MINDY4: variants seen among roughly 807,000 people sequenced by gnomAD.
The protein encoded by MINDY4 is probable ubiquitin carboxyl-terminal hydrolase MINDY-4.
Under a neutral mutation model 87.0 loss-of-function variants are expected in MINDY4, and 68 were observed. The observed-to-expected ratio is 0.78, with a 90% CI of 0.64 to 0.96. The LOEUF is 0.96. Ranked by LOEUF, MINDY4 falls within the 40% of genes least tolerant of loss-of-function variation. The pLI, the probability that MINDY4 is intolerant of heterozygous loss-of-function variation, is 0.00. For synonymous variants in MINDY4, 379 were observed against 363.2 expected (o/e 1.04, Z -0.50); for missense variants, 919 against 928.2 (o/e 0.99, Z 0.13).
chr7:30,833,301 G>C (rs1788761754), intron 6 of MINDY4, among the ~76,000 whole-genome samples: 1 of 152,210 alleles, frequency 6.6e-6, no homozygotes, highest in Admixed American at 6.5e-5. Flanking sequence ...CACAATCATG[G>C]TGGAAGGCAA....
chr7:30,846,266 A>C (rs1019000109), intron 9 of MINDY4, among the ~76,000 whole-genome samples: 10 of 152,186 alleles, frequency 6.6e-5, no homozygotes, highest in Non-Finnish European at 1.5e-4. Context: ...GACTCTGTAC[A>C]TGGCTCCATG....
At chr7:30,803,157 T>C (rs968660895) in intron 5 of MINDY4, 1 of 152,252 alleles carries the variant, frequency 6.6e-6, no homozygotes, top group Non-Finnish European at 1.5e-5. Context: ...TACCTATACT[T>C]GGACATGATC....
chr7:30,854,488 G>A (rs752347303), intron 12 of MINDY4, among the ~76,000 whole-genome samples: 13 of 152,066 alleles, frequency 8.5e-5, no homozygotes, highest in African/African-American at 2.7e-4. Context: ...GCAGACCCGC[G>A]ACCTCTGAGA....
chr7:30,885,714 C>A (rs1025880775), intron 17 of MINDY4, among the ~76,000 whole-genome samples: 1 of 150,838 alleles, frequency 6.6e-6, no homozygotes. Context: ...CCACCCCCCC[C>A]CCAACCCTGC....
At chr7:30,798,870 C>T (rs1787569732) in intron 5 of MINDY4, among the ~76,000 whole-genome samples, 1 of 152,162 alleles carries the variant, frequency 6.6e-6, no homozygotes, top group African/African-American at 2.4e-5. Flanking sequence ...AGTTCAGGGT[C>T]CATGTGCTTG....
intron 5 of MINDY4, among the ~76,000 whole-genome samples, chr7:30,793,709 G>C (rs1256009846): frequency 1.3e-5 from 2 of 152,146 alleles, no homozygotes; most frequent in African/African-American, 4.8e-5. Flanking sequence ...ATACATGGTG[G>C]GGAGGGGCTG....
At chr7:30,774,823 TG>T (rs1245424558) in intron 1 of MINDY4, among the ~76,000 whole-genome samples, 1 of 152,050 alleles carries the variant, frequency 6.6e-6, no homozygotes, top group African/African-American at 2.4e-5. Context: ...CTGTGCACTC[TG>T]GTGGGCTCAA....
At chr7:30,839,000 A>G (rs1788952861) in intron 7 of MINDY4, among the ~76,000 whole-genome samples, 200 bp from the exon 8 acceptor site, 1 of 152,212 alleles carries the variant, frequency 6.6e-6, no homozygotes, top group Non-Finnish European at 1.5e-5. Flanking sequence ...TCCAGAGGTA[A>G]GACCCTCATT....
intron 13 of MINDY4, among the ~76,000 whole-genome samples, chr7:30,863,496 G>A (rs1348587220): frequency 6.6e-6 from 1 of 152,210 alleles, no homozygotes. Context: ...GATGTGTGAT[G>A]GAGAGGGCAT....
intron 1 of MINDY4, among the ~76,000 whole-genome samples, chr7:30,774,199 T>G (rs1054976548): frequency 2.6e-5 from 4 of 152,156 alleles, no homozygotes; most frequent in Non-Finnish European, 5.9e-5. Context: ...TGAAGCTCCT[T>G]CCCCATCTAA....
At chr7:30,773,694 A>T (rs1313943469) in intron 1 of MINDY4, among the ~76,000 whole-genome samples, 1 of 152,142 alleles carries the variant, frequency 6.6e-6, no homozygotes, top group Admixed American at 6.5e-5. Flanking sequence ...CCCCATGGTC[A>T]TGAGCTGGGC....
chr7:30,776,311 A>G (rs528178097), intron 1 of MINDY4, among the ~76,000 whole-genome samples: 49 of 152,186 alleles, frequency 3.2e-4, no homozygotes, highest in Non-Finnish European at 5.7e-4. Context: ...GCCTTTTGCA[A>G]CTGGCTCAGG....
At chr7:30,873,870 A>G (rs992473103) in intron 14 of MINDY4, among the ~76,000 whole-genome samples, 2 of 152,134 alleles carry the variant, frequency 1.3e-5, no homozygotes, top group Non-Finnish European at 2.9e-5. Context: ...TACAGCAGAC[A>G]TTTCCTCCAA....
intron 12 of MINDY4, among the ~76,000 whole-genome samples, chr7:30,854,294 G>A (rs1327472461): frequency 6.6e-6 from 1 of 152,196 alleles, no homozygotes; most frequent in South Asian, 2.1e-4. Flanking sequence ...TCAGAGCATC[G>A]CGCAGAGAGC....
chr7:30,877,516 T>G (rs1790298985), intron 15 of MINDY4, among the ~76,000 whole-genome samples: 1 of 152,096 alleles, frequency 6.6e-6, no homozygotes, highest in Non-Finnish European at 1.5e-5. Flanking sequence ...GGTGGATGCT[T>G]CCTTCCTCTG....
intron 4 of MINDY4, among the ~76,000 whole-genome samples, chr7:30,789,264 G>A (rs1164109236): frequency 6.6e-6 from 1 of 152,176 alleles, no homozygotes. Context: ...GTGGTGTGAG[G>A]GAGATGGCTT....
chr7:30,839,748 A>G (rs999650665), intron 8 of MINDY4, among the ~76,000 whole-genome samples: 1 of 152,114 alleles, frequency 6.6e-6, no homozygotes, highest in Non-Finnish European at 1.5e-5. Context: ...AGGCGGTTTG[A>G]AAGTCTAGGG....
chr7:30,810,044 T>C (rs1017590783), intron 5 of MINDY4, among the ~76,000 whole-genome samples: 3 of 151,618 alleles, frequency 2.0e-5, no homozygotes, highest in Non-Finnish European at 4.4e-5. Context: ...GTCATGGTGG[T>C]GCCTGCCTGT....
intron 5 of MINDY4, among the ~76,000 whole-genome samples, chr7:30,795,000 A>C (rs1331960128): frequency 6.6e-6 from 1 of 152,048 alleles, no homozygotes; most frequent in African/African-American, 2.4e-5. Flanking sequence ...TTTTACTTAC[A>C]ACCCCCCAGG....
Sources: allele counts gnomAD v4.1 joint callset (sites outside exome capture counted in the v4.1 genomes callset), GRCh38; gene constraint gnomAD v4.1.1; transcripts MANE v1.5; gene names NCBI Gene and HGNC (gene_info 2026-07-23, HGNC 2026-07-21).